AIG1: variants seen among roughly 807,000 people sequenced by gnomAD.
AIG1 encodes the protein androgen induced 1.
A neutral mutation model predicts 31.4 loss-of-function variants in AIG1; 23 were observed. That is an observed-to-expected ratio of 0.73 (90% CI 0.53 to 1.04). AIG1 has a LOEUF of 1.04. AIG1 is among the 50% of genes least tolerant of loss of function. The pLI is 0.00. For synonymous variants in AIG1, 100 were observed against 110.5 expected (o/e 0.90, Z 0.60); for missense variants, 274 against 295.0 (o/e 0.93, Z 0.52).
chr6:143,252,061 C>G (rs1327369701), intron 3 of AIG1, among the ~76,000 whole-genome samples: 1 of 152,182 alleles, frequency 6.6e-6, no homozygotes, highest in African/African-American at 2.4e-5. Context: ...TCCATTCTGC[C>G]AGACTTGAGG....
intron 1 of AIG1, among the ~76,000 whole-genome samples, chr6:143,106,767 G>A (rs1780840448): frequency 6.6e-6 from 1 of 152,088 alleles, no homozygotes; most frequent in Non-Finnish European, 1.5e-5. Context: ...TAGACTAGAC[G>A]GCTTATCAGC....
At chr6:143,106,187 A>C (rs921280073) in intron 1 of AIG1, among the ~76,000 whole-genome samples, 22 of 152,204 alleles carry the variant, frequency 1.4e-4, no homozygotes, top group Admixed American at 1.3e-3. Context: ...GGAAACAGGC[A>C]TGCACACAGG....
chr6:143,137,441 A>C (rs1014354372), intron 2 of AIG1, among the ~76,000 whole-genome samples: 1 of 152,208 alleles, frequency 6.6e-6, no homozygotes, highest in African/African-American at 2.4e-5. Context: ...GCTTCCACAT[A>C]TGAATTTTGC....
intron 1 of AIG1, among the ~76,000 whole-genome samples, chr6:143,080,851 G>C (rs550469567): frequency 1.3e-5 from 2 of 152,248 alleles, no homozygotes; most frequent in Admixed American, 6.5e-5. Flanking sequence ...TAGATAAAAT[G>C]ACTGGGTAGG....
At chr6:143,247,936 A>G (rs1016777016) in intron 3 of AIG1, among the ~76,000 whole-genome samples, 5 of 152,170 alleles carry the variant, frequency 3.3e-5, no homozygotes, top group African/African-American at 1.2e-4. Context: ...CCTTACAAAA[A>G]CATGAGAGCC....
In AIG1 at chr6:143,329,744, G is replaced by GA. The variant is rs1470455209; in HGVS notation, c.516-3532dup. ...ATGGTTTTCACATTTTTAAATAGTTGAAAAAATCAAAAGATGAATATTTCA... is the reference window on the plus strand; with the variant it reads ...ATGGTTTTCACATTTTTAAATAGTTGAAAAAAATCAAAAGATGAATATTTCA... On this transcript the variant is annotated intron_variant, in intron 4 of 5. Transcript: ENST00000357847. This position sits in a 1 kb window ranked among gnomAD's most constrained non-coding sequence, Gnocchi z 4.9. Among the ~76,000 whole-genome samples the GA allele has an allele frequency of 1.3e-5, 2 of 152,018 alleles. No individual in the cohort carries two copies. Among genetic ancestry groups the GA allele is most frequent in the Admixed American group, 6.6e-5 (1 of 15,252 alleles).
At chr6:143,264,754 G>A (rs904646201) in intron 3 of AIG1, among the ~76,000 whole-genome samples, 4 of 152,172 alleles carry the variant, frequency 2.6e-5, no homozygotes, top group African/African-American at 9.6e-5. Context: ...GTAAAGCAAT[G>A]AAACAATATT....
intron 4 of AIG1, among the ~76,000 whole-genome samples, chr6:143,305,047 G>A (rs1400374206): frequency 1.3e-5 from 2 of 152,194 alleles, no homozygotes; most frequent in East Asian, 1.9e-4. Flanking sequence ...ATGGTAGTTT[G>A]TGTTTCTGTG....
intron 3 of AIG1, among the ~76,000 whole-genome samples, chr6:143,171,877 C>T (rs1172582545): frequency 6.6e-6 from 1 of 152,022 alleles, no homozygotes; most frequent in East Asian, 1.9e-4. Context: ...GCCACCTTCA[C>T]AGGAGTCAGA....
chr6:143,276,437 A>G (rs921360158), intron 3 of AIG1, among the ~76,000 whole-genome samples: 1 of 152,190 alleles, frequency 6.6e-6, no homozygotes, highest in Non-Finnish European at 1.5e-5. Flanking sequence ...CATTTTGAAC[A>G]TGAGGTTGTT....
At chr6:143,155,388 T>C (rs571403238) in intron 2 of AIG1, among the ~76,000 whole-genome samples, 2 of 152,158 alleles carry the variant, frequency 1.3e-5, no homozygotes, top group South Asian at 2.1e-4. Context: ...AGGCTTCTTC[T>C]TGTGGGGGGG....
At chr6:143,208,579 T>C (rs1169020034) in intron 3 of AIG1, among the ~76,000 whole-genome samples, 1 of 152,120 alleles carries the variant, frequency 6.6e-6, no homozygotes, top group South Asian at 2.1e-4. Flanking sequence ...TGTAATTTAG[T>C]GAGGAGGAAG....
intron 4 of AIG1, among the ~76,000 whole-genome samples, chr6:143,295,821 T>TC: frequency 6.6e-6 from 1 of 152,090 alleles, no homozygotes; most frequent in East Asian, 1.9e-4. Context: ...GCCCCCAAAG[T>TC]CCCCTCCCTT....
At chr6:143,143,018 A>C (rs1290178963) in intron 2 of AIG1, among the ~76,000 whole-genome samples, 1 of 152,226 alleles carries the variant, frequency 6.6e-6, no homozygotes, top group Non-Finnish European at 1.5e-5. Context: ...CAACTTAAAA[A>C]TCGCAGTTTC....
intron 1 of AIG1, among the ~76,000 whole-genome samples, chr6:143,136,540 T>G (rs1199998558): frequency 1.3e-5 from 2 of 152,196 alleles, no homozygotes; most frequent in Non-Finnish European, 2.9e-5. Flanking sequence ...ATAATGGCCC[T>G]GCTGGTTTGA....
intron 3 of AIG1, among the ~76,000 whole-genome samples, chr6:143,254,458 T>G (rs1202664331): frequency 2.0e-5 from 3 of 152,208 alleles, no homozygotes; most frequent in Non-Finnish European, 4.4e-5. Flanking sequence ...GGCAAAGTCC[T>G]AGACATCCTG....
intron 3 of AIG1, among the ~76,000 whole-genome samples, chr6:143,192,464 G>C (rs554722562): frequency 6.6e-6 from 1 of 152,052 alleles, no homozygotes; most frequent in Non-Finnish European, 1.5e-5. Context: ...AATTAGCCGG[G>C]TGTGGTGGCA....
chr6:143,074,346 T>A (rs1158093625), intron 1 of AIG1, among the ~76,000 whole-genome samples: 2 of 152,346 alleles, frequency 1.3e-5, no homozygotes, highest in Non-Finnish European at 2.9e-5. Context: ...ACTATTCCCG[T>A]GTATTCTCTT....
rs1477656034 is a variant in AIG1, at chr6:143,298,108, G to A, written c.515+13883G>A. Among the ~76,000 whole-genome samples the A allele has an allele frequency of 6.6e-6, 1 of 151,688 alleles. No homozygotes were observed. The highest frequency in any genetic ancestry group is 1.5e-5 in the Non-Finnish European group (1 of 67,954). ...GGATAAGAAAGAAAATGGAGTCCTAGAGCCTGGGTTATGTACGTTTTCTAC... is the reference window on the plus strand; with the variant it reads ...GGATAAGAAAGAAAATGGAGTCCTAAAGCCTGGGTTATGTACGTTTTCTAC... On this transcript the variant is annotated intron_variant, in intron 4 of 5. Coordinates refer to ENST00000357847, the MANE Select transcript of AIG1 (RefSeq NM_016108.4). The surrounding 1 kb of genome is among the most constrained non-coding windows in gnomAD (Gnocchi z 5.1).
Sources: allele counts gnomAD v4.1 joint callset (sites outside exome capture counted in the v4.1 genomes callset), GRCh38; gene constraint gnomAD v4.1.1; non-coding constraint Gnocchi (gnomAD v3.1); transcripts MANE v1.5; gene names NCBI Gene and HGNC (gene_info 2026-07-23, HGNC 2026-07-21).